SMPD4: variants seen among roughly 807,000 people sequenced by gnomAD.
The protein encoded by SMPD4 is sphingomyelin phosphodiesterase 4.
In SMPD4, 58 loss-of-function variants were observed where a neutral mutation model predicts 97.8. That is an observed-to-expected ratio of 0.59 (90% CI 0.48 to 0.74). The LOEUF (loss-of-function observed/expected upper bound fraction) is 0.74, where lower values mean the gene tolerates loss of function less well. Ranked by LOEUF, SMPD4 falls within the 30% of genes least tolerant of loss-of-function variation. The probability of loss-of-function intolerance (pLI) is 0.00; values close to 1 mark genes in which losing one functional copy is unlikely to be tolerated. For synonymous variants in SMPD4, 388 were observed against 450.0 expected (o/e 0.86, Z 1.74); for missense variants, 853 against 1,080.5 (o/e 0.79, Z 2.95).
rs777356895 is a variant in SMPD4 at position 130,152,290 on chromosome 2, C to T, written c.*265G>A. 13 of 415,078 alleles carry T rather than the reference C, an allele frequency of 3.1e-5. 1 individual carries two copies. The highest frequency in any genetic ancestry group is 2.7e-4 in the East Asian group (7 of 25,702). The allele number at this position is 415,078 out of a possible 1,614,324, so 25.7% of individuals were successfully genotyped here. A position where few individuals can be genotyped will look rare whatever the true frequency, so the allele number is the denominator to read the frequency against. The stretch of plus-strand genomic sequence containing the variant: ...AGCTGGCTTGGCCGTGAGTCCTTGG[C>T]GGAGGGAGGGAAAGGCCGCCGCTGA... On this transcript the variant is annotated 3_prime_UTR_variant, in exon 20 of 20. Transcript: ENST00000680298.
chr2:130,167,638 C>G (rs781023852), intron 8 of SMPD4, 48 bp from the exon 9 acceptor site: 11 of 1,545,554 alleles, frequency 7.1e-6, no homozygotes, highest in Admixed American at 5.8e-5. Context: ...CCCGCTGTAA[C>G]TCGCTCCCGC....
Position 130,172,796 on chromosome 2 carries a change from A to G in SMPD4, c.445T>C (p.Leu149=), listed in dbSNP as rs185335611. 5.6e-6 allele frequency: 9 copies of G among 1,614,062 alleles called. No individual in the cohort carries two copies. Among genetic ancestry groups the G allele is most frequent in the Middle Eastern group, 1.6e-4 (1 of 6,084 alleles). The change falls in exon 6 of 20, where the codon TTG becomes CTG. Residue 149 remains leucine, a synonymous_variant. Transcript: ENST00000680298. ...FTPTGGLGLN[L]ALNPFEYYIF... is the part of the protein sequence containing the mutation. The stretch of plus-strand genomic sequence containing the variant: ...GGCCACCAAAGGATACTCAGGGCCA[A>G]GTTCAGACCAAGGCCCCCAGTAGGG...
chr2:130,174,131 C>A (rs1688753662), intron 3 of SMPD4, among the ~76,000 whole-genome samples: 1 of 152,184 alleles, frequency 6.6e-6, no homozygotes. Context: ...AGCAATCCCC[C>A]CACCTCAGCT....
In SMPD4 at chr2:130,153,839, A is replaced by G; in HGVS notation, c.1756T>C (p.Ser586Pro). The G allele has an allele frequency of 6.2e-7, 1 of 1,613,940 alleles. No homozygotes were observed. Among genetic ancestry groups the G allele is most frequent in the Non-Finnish European group, 8.5e-7 (1 of 1,179,868 alleles). ...AESPAGHSFLSWLGFSSMDTN... is the reference protein window; with the variant it reads ...AESPAGHSFLPWLGFSSMDTN... ...TCCATGGAGCTAAAGCCCAGCCATG[A>G]GAGGAAGGAGTGGCCAGCCGGGCTC... Residue 586 changes from serine (S) to proline (P), a missense_variant, in exon 17 of 20, where the codon TCA becomes CCA. Ser to Pro is a moderately conservative substitution (Grantham distance 74). This residue lies in a region of SMPD4 where 511 missense variants were observed against 608.1 expected (regional missense o/e 0.84). Transcript: ENST00000680298.
chr2:130,180,271 CTT>C (rs1198208346), intron 1 of SMPD4, among the ~76,000 whole-genome samples: 1 of 146,712 alleles, frequency 6.8e-6, no homozygotes, highest in African/African-American at 2.5e-5. Context: ...CCAGCTTTCT[CTT>C]TTTCTTTTTT....
chr2:130,179,097 G>T (rs548198416), intron 1 of SMPD4, among the ~76,000 whole-genome samples: 14 of 151,668 alleles, frequency 9.2e-5, no homozygotes, highest in African/African-American at 3.4e-4. Flanking sequence ...TCGGCAATAG[G>T]AACATCTCCC....
intron 19 of SMPD4, 52 bp downstream of exon 19, chr2:130,152,991 A>G (rs1480103662): frequency 2.1e-5 from 33 of 1,576,264 alleles, no homozygotes; most frequent in East Asian, 6.7e-5. Context: ...CCCAGGCAGG[A>G]GCATCTAGAA....
intron 1 of SMPD4, among the ~76,000 whole-genome samples, chr2:130,177,846 C>T (rs1689118302): frequency 6.6e-6 from 1 of 152,170 alleles, no homozygotes; most frequent in Admixed American, 6.5e-5. Flanking sequence ...TATATATCTC[C>T]TCATTTAATC....
intron 11 of SMPD4, chr2:130,158,319 C>CT (rs869169572): frequency 0.15 from 128,241 of 869,804 alleles, 215 homozygotes; most frequent in South Asian, 0.18. Flanking sequence ...TTAGGCCAAA[C>CT]TTTTTTTTTT....
intron 1 of SMPD4, among the ~76,000 whole-genome samples, chr2:130,178,648 A>G (rs1193995673): frequency 6.6e-6 from 1 of 152,044 alleles, no homozygotes; most frequent in Non-Finnish European, 1.5e-5. Context: ...TATAAAAATT[A>G]GCTGGGTGTG....
chr2:130,160,884 G>A (rs1020416948), intron 11 of SMPD4, among the ~76,000 whole-genome samples: 9 of 152,136 alleles, frequency 5.9e-5, no homozygotes, highest in South Asian at 2.1e-4. Context: ...GGCCAAGCAC[G>A]AGGCCTCCAA....
chr2:130,174,481 G>C (rs1225742304), intron 3 of SMPD4, among the ~76,000 whole-genome samples: 1 of 152,178 alleles, frequency 6.6e-6, no homozygotes, highest in Non-Finnish European at 1.5e-5. Context: ...ACAATTCCAG[G>C]TGTGATTTAA....
rs1418445034 is a variant in SMPD4, at chr2:130,153,073, G to A, written c.2124C>T (p.Leu708=). 6.2e-7 allele frequency: 1 copy of A among 1,612,800 alleles called. No individual in the cohort carries two copies. The highest frequency in any genetic ancestry group is 8.5e-7 in the Non-Finnish European group (1 of 1,179,988). ...SYEIASLVRT[L]FRLSSAINHR... is the part of the protein sequence containing the mutation. Reference sequence around the variant, plus strand: ...GGTTGATGGCAGACGACAGCCTAAAGAGTGTGCGGACCAAGCTGGCGATCT... The same window carrying A: ...GGTTGATGGCAGACGACAGCCTAAAAAGTGTGCGGACCAAGCTGGCGATCT... The change falls in exon 19 of 20, where the codon CTC becomes CTT. Residue 708 remains leucine (L), a synonymous_variant. Coordinates refer to ENST00000680298, the MANE Select transcript of SMPD4 (RefSeq NM_017951.5).
At chr2:130,171,153 T>C (rs943160400) in intron 8 of SMPD4, among the ~76,000 whole-genome samples, 2 of 149,778 alleles carry the variant, frequency 1.3e-5, no homozygotes, top group Non-Finnish European at 1.5e-5. Flanking sequence ...TTTTTGTGTG[T>C]GTGTACAGTG....
intron 15 of SMPD4, chr2:130,154,793 G>A (rs1686606122): frequency 3.4e-6 from 2 of 589,900 alleles, no homozygotes; most frequent in Admixed American, 3.0e-5. Flanking sequence ...TCCTGAAGCG[G>A]CCAACACGAG....
In SMPD4 at chr2:130,173,330, A is replaced by G; in HGVS notation, c.294T>C (p.Tyr98=). 6.2e-7 allele frequency: 1 copy of G among 1,613,244 alleles called. No individual in the cohort carries two copies. The part of the protein sequence containing the change: ...DPGGPMMKLV[Y]KLQAEDYKFD... ...ACTTATAGTCTTCAGCTTGAAGCTT[A>G]TAAACCAACTTCATCATTGGGCCAC... Residue 98 remains tyrosine (Y), a synonymous_variant, in exon 5 of 20, where the codon TAT becomes TAC. Transcript: ENST00000680298.
At position 130,153,030 on chromosome 2, in the gene SMPD4, C is replaced by T. The variant is rs368968551; in HGVS notation, c.2154+13G>A. Reference sequence around the variant, plus strand: ...TCTCTGAAGACGCCAGGCCAGCCCTCCTGCCCACTCACTCTGTGGTTGATG... The same window carrying T: ...TCTCTGAAGACGCCAGGCCAGCCCTTCTGCCCACTCACTCTGTGGTTGATG... On this transcript the variant is annotated intron_variant, in intron 19 of 19. Coordinates refer to ENST00000680298, the MANE Select transcript of SMPD4 (RefSeq NM_017951.5). The T allele has an allele frequency of 1.8e-4, 294 of 1,608,028 alleles. No homozygotes were observed. The highest frequency in any genetic ancestry group is 4.4e-4 in the Admixed American group (26 of 59,174).
intron 10 of SMPD4, among the ~76,000 whole-genome samples, chr2:130,162,226 T>C (rs1687499041): frequency 1.3e-5 from 2 of 152,226 alleles, no homozygotes; most frequent in Non-Finnish European, 2.9e-5. Flanking sequence ...AGCTGGCTCC[T>C]AGCCAGGACC....
chr2:130,172,725 C>A (rs1558761498), intron 6 of SMPD4, 48 bp from the exon 7 acceptor site: 3 of 1,614,150 alleles, frequency 1.9e-6, no homozygotes, highest in Non-Finnish European at 2.5e-6. Flanking sequence ...GAGCCACCCC[C>A]CGCTCAGTGT....
Sources: gnomAD v4.1 joint callset for allele counts (sites outside exome capture counted in the v4.1 genomes callset) on GRCh38, gnomAD v4.1.1 for gene constraint, gnomAD v4.1.1 regional missense constraint, MANE v1.5 for transcripts, NCBI Gene and HGNC (gene_info 2026-07-23, HGNC 2026-07-21) for gene names.